LTBP1: variants seen among roughly 807,000 people sequenced by gnomAD.
The protein encoded by LTBP1 is latent transforming growth factor beta binding protein 1.
LTBP1 carries 129 observed loss-of-function variants against 207.6 expected under a neutral mutation model. That is an observed-to-expected ratio of 0.62 (90% confidence interval 0.54 to 0.72). The LOEUF (loss-of-function observed/expected upper bound fraction) is 0.72. LTBP1 is among the 30% of genes least tolerant of loss of function. The pLI is 0.00. For synonymous variants in LTBP1, 963 were observed against 833.7 expected (o/e 1.16, Z -2.67); for missense variants, 2,281 against 2,217.2 (o/e 1.03, Z -0.58).
At position 33,026,153 on chromosome 2, in the gene LTBP1, C is replaced by G. The variant is rs531623274; in HGVS notation, c.863+4947C>G. Among the ~76,000 whole-genome samples, 7 of 152,222 alleles carry G rather than the reference C, an allele frequency of 4.6e-5. No individual in the cohort carries two copies. In the East Asian group the frequency reaches 1.4e-3, roughly 29 times the overall value. ...CTGATAGTTATTACTGGGACCTTGTCTGAACTTATTAAAGGATCCAAGGAA... is the reference window on the plus strand; with the variant it reads ...CTGATAGTTATTACTGGGACCTTGTGTGAACTTATTAAAGGATCCAAGGAA... On this transcript the variant is annotated intron_variant, in intron 3 of 33. Coordinates refer to ENST00000404816, the MANE Select transcript of LTBP1 (RefSeq NM_206943.4).
At chr2:32,990,602 T>C (rs1572967599) in intron 2 of LTBP1, among the ~76,000 whole-genome samples, 1 of 152,190 alleles carries the variant, frequency 6.6e-6, no homozygotes, top group South Asian at 2.1e-4. Context: ...TTTCATAAAT[T>C]TGGATGCTTT....
At chr2:32,961,153 G>A (rs1182737907) in intron 2 of LTBP1, among the ~76,000 whole-genome samples, 1 of 152,186 alleles carries the variant, frequency 6.6e-6, no homozygotes, top group South Asian at 2.1e-4. Context: ...ACTGCACGTG[G>A]AACAGTGAAG....
chr2:33,181,995 G>T (rs2086685748), intron 5 of LTBP1, among the ~76,000 whole-genome samples: 1 of 152,136 alleles, frequency 6.6e-6, no homozygotes, highest in Admixed American at 6.5e-5. Context: ...GCCACAAAGG[G>T]TTCAATACAT....
chr2:33,243,872 AATGCTT>A, intron 10 of LTBP1, 88 bp downstream of exon 10: 1 of 1,415,098 alleles, frequency 7.1e-7, no homozygotes, highest in South Asian at 1.3e-5. Flanking sequence ...TGGCCAACTG[AATGCTT>A]GTAAATATAC....
rs759233760 is a variant in LTBP1 at position 33,110,621 on chromosome 2, T to C, written c.903T>C (p.His301=). ...CTTCCCAGAGTGTGGTGATTCACCA[T>C]GGCCAGACCCAGGAATACGTGCTCA... is the stretch of plus-strand genomic sequence containing the variant. ...PLSSQSVVIH[H]GQTQEYVLKP... Residue 301 remains histidine, a synonymous_variant, in exon 4 of 34, where the codon CAT becomes CAC. Coordinates refer to ENST00000404816, the MANE Select transcript of LTBP1 (RefSeq NM_206943.4). 1.2e-6 allele frequency: 2 copies of C among 1,614,084 alleles called. No individual in the cohort carries two copies. Among genetic ancestry groups the C allele is most frequent in the African/African-American group, 2.7e-5 (2 of 74,944 alleles).
intron 3 of LTBP1, among the ~76,000 whole-genome samples, chr2:33,090,487 G>T (rs11886321): frequency 6.6e-6 from 1 of 152,056 alleles, no homozygotes. Flanking sequence ...ACTGAATGCC[G>T]AGTGTGTGTT....
At chr2:33,312,739 A>G (rs114663794) in intron 23 of LTBP1, among the ~76,000 whole-genome samples, 3,081 of 152,278 alleles carry the variant, frequency 0.02, 43 homozygotes, top group Middle Eastern at 0.11. Flanking sequence ...TTTTTAGACA[A>G]TTATTTGTGT....
chr2:33,254,852 GTTTTTTTTTTTTT>G (rs70938393), intron 11 of LTBP1, among the ~76,000 whole-genome samples: 1,126 of 10,372 alleles, frequency 0.11, 24 homozygotes, highest in Non-Finnish European at 0.14. Context: ...GCGGTGTTTG[GTTTTTTTTTTTTT>G]TTTTTTTTTT....
chr2:33,234,102 A>G (rs1392567246), intron 9 of LTBP1, among the ~76,000 whole-genome samples: 1 of 152,176 alleles, frequency 6.6e-6, no homozygotes, highest in Non-Finnish European at 1.5e-5. Context: ...ACTCAACAGT[A>G]TATGGCCAGC....
chr2:33,173,755 A>G (rs964747544), intron 5 of LTBP1, among the ~76,000 whole-genome samples: 5 of 145,188 alleles, frequency 3.4e-5, no homozygotes, highest in Admixed American at 7.0e-5. Context: ...AAAAATCCTC[A>G]ATAAAATACT....
intron 3 of LTBP1, among the ~76,000 whole-genome samples, chr2:33,049,533 T>A (rs2076619442): frequency 6.6e-6 from 1 of 152,088 alleles, no homozygotes; most frequent in Non-Finnish European, 1.5e-5. Flanking sequence ...TAAACCAAGA[T>A]TAAAAAAATG....
intron 3 of LTBP1, among the ~76,000 whole-genome samples, chr2:33,098,183 T>G (rs1265693491): frequency 6.6e-6 from 1 of 152,192 alleles, no homozygotes; most frequent in Non-Finnish European, 1.5e-5. Context: ...TATGATTGCC[T>G]TTTCCTCAGT....
At chr2:33,162,558 C>T (rs992625496) in intron 5 of LTBP1, among the ~76,000 whole-genome samples, 2 of 152,140 alleles carry the variant, frequency 1.3e-5, no homozygotes, top group African/African-American at 2.4e-5. Flanking sequence ...ATATCCTTGA[C>T]GAGTAAGATT....
intron 7 of LTBP1, among the ~76,000 whole-genome samples, chr2:33,201,722 G>A (rs1418839725): frequency 6.6e-6 from 1 of 152,138 alleles, no homozygotes; most frequent in African/African-American, 2.4e-5. Context: ...ACTTTATGTG[G>A]ATTAGGAAGA....
At chr2:33,233,293 A>G (rs542079100) in intron 9 of LTBP1, among the ~76,000 whole-genome samples, 3 of 152,166 alleles carry the variant, frequency 2.0e-5, no homozygotes, top group South Asian at 2.1e-4. Flanking sequence ...CTGCTTTACT[A>G]TGCCCATCTA....
intron 1 of LTBP1, 108 bp downstream of exon 1, chr2:32,947,926 C>G: frequency 9.9e-7 from 1 of 1,008,080 alleles, no homozygotes; most frequent in Non-Finnish European, 1.3e-6. Context: ...AGGGCGGTCG[C>G]GCGCGGTGGG....
At chr2:33,346,976 G>C (rs1490215873) in intron 25 of LTBP1, among the ~76,000 whole-genome samples, 1 of 151,910 alleles carries the variant, frequency 6.6e-6, no homozygotes, top group Non-Finnish European at 1.5e-5. Context: ...AAATTAGCGG[G>C]GCGTGGTGGC....
chr2:33,078,357 C>T (rs1276724314), intron 3 of LTBP1, among the ~76,000 whole-genome samples: 1 of 152,066 alleles, frequency 6.6e-6, no homozygotes, highest in Non-Finnish European at 1.5e-5. Context: ...TAGCACAGGC[C>T]CACAGTGCCA....
intron 31 of LTBP1, among the ~76,000 whole-genome samples, chr2:33,379,086 T>G (rs976073600): frequency 6.6e-6 from 1 of 152,154 alleles, no homozygotes; most frequent in Non-Finnish European, 1.5e-5. Flanking sequence ...CTTCTGGGCT[T>G]CAAGTCTCAG....
Sources: gnomAD v4.1 joint callset for allele counts (sites outside exome capture counted in the v4.1 genomes callset) on GRCh38, gnomAD v4.1.1 for gene constraint, MANE v1.5 for transcripts, NCBI Gene and HGNC (gene_info 2026-07-23, HGNC 2026-07-21) for gene names.